Variants in RIMS4 observed in about 807,000 individuals in gnomAD.
RIMS4 encodes the protein regulating synaptic membrane exocytosis 4.
In RIMS4, 9 loss-of-function variants were observed where a neutral mutation model predicts 29.0. The observed-to-expected ratio is 0.31, with a 90% CI of 0.19 to 0.54. The LOEUF (loss-of-function observed/expected upper bound fraction) is 0.54, where lower values mean the gene tolerates loss of function less well. RIMS4 is among the 20% of genes least tolerant of loss of function. The pLI is 0.94. For missense variants in RIMS4, 193 were observed against 365.7 expected, an observed-to-expected ratio of 0.53 and a Z score of 3.85; for synonymous variants, 130 against 152.9, an observed-to-expected ratio of 0.85 and a Z score of 1.10.
At position 44,758,264 on chromosome 20, in the gene RIMS4, T is replaced by C. The variant is rs1163492459; in HGVS notation, c.237-80A>G. The C allele has an allele frequency of 1.3e-5, 12 of 931,438 alleles. No homozygotes were observed. The Admixed American group carries it at 2.9e-4, about 22-fold the overall frequency. The allele number at this position is 931,438 out of a possible 1,614,324, so 57.7% of individuals were successfully genotyped here. On this transcript the variant is annotated intron_variant, in intron 2 of 5. Transcript: ENST00000372851. ...TCTGGACTCAAGCAGTCAACCTCCA[T>C]GCAATGGATATGCTGAAACTTCCCT...
At chr20:44,771,628 A>G (rs2066138054) in intron 1 of RIMS4, among the ~76,000 whole-genome samples, 2 of 152,200 alleles carry the variant, frequency 1.3e-5, no homozygotes, top group African/African-American at 2.4e-5. Flanking sequence ...CGATAGATTC[A>G]TTTACATGTG....
rs1233363954 is a variant in RIMS4, at chr20:44,780,745, G to T, written c.98-9332C>A. Among the ~76,000 whole-genome samples the T allele has an allele frequency of 2.6e-5, 4 of 152,232 alleles. No individual in the cohort carries two copies. In the East Asian group the frequency reaches 5.8e-4, roughly 22 times the overall value. The stretch of plus-strand genomic sequence containing the variant: ...CAACGCAGGCCAGAGTGCAATTTTT[G>T]CCCTTTACGCTGCTCTACACTGGAG... On this transcript the variant is annotated intron_variant, in intron 1 of 5. Transcript: ENST00000372851.
chr20:44,761,003 AC>A (rs773700605), intron 2 of RIMS4, among the ~76,000 whole-genome samples: 4 of 152,086 alleles, frequency 2.6e-5, no homozygotes, highest in Non-Finnish European at 5.9e-5. Context: ...TTTGATAGTT[AC>A]CCTGGGCCTG....
intron 1 of RIMS4, among the ~76,000 whole-genome samples, chr20:44,774,777 C>T (rs904202944): frequency 6.6e-6 from 1 of 152,204 alleles, no homozygotes; most frequent in African/African-American, 2.4e-5. Context: ...CCGTCCTTCT[C>T]CTGGCTGTGG....
chr20:44,796,236 T>G (rs1461782917), intron 1 of RIMS4, among the ~76,000 whole-genome samples: 1 of 151,924 alleles, frequency 6.6e-6, no homozygotes, highest in Non-Finnish European at 1.5e-5. Flanking sequence ...CTTATATGCC[T>G]CTTTATCACA....
At chr20:44,804,228 T>C (rs1722104758) in intron 1 of RIMS4, among the ~76,000 whole-genome samples, 1 of 152,252 alleles carries the variant, frequency 6.6e-6, no homozygotes, top group Non-Finnish European at 1.5e-5. Context: ...GCAATGAGCA[T>C]GGCCAAGCAA....
chr20:44,789,544 T>C (rs1242087334), intron 1 of RIMS4, among the ~76,000 whole-genome samples: 2 of 152,084 alleles, frequency 1.3e-5, no homozygotes, highest in Non-Finnish European at 2.9e-5. Flanking sequence ...GATCCGCCCG[T>C]CATCACAATA....
chr20:44,805,909 A>G (rs2066296674), intron 1 of RIMS4, among the ~76,000 whole-genome samples: 2 of 152,160 alleles, frequency 1.3e-5, no homozygotes, highest in Non-Finnish European at 2.9e-5. Context: ...AGAAGTACTC[A>G]GACCACCCCC....
intron 1 of RIMS4, among the ~76,000 whole-genome samples, chr20:44,801,026 T>C (rs1376686163): frequency 2.0e-5 from 3 of 152,240 alleles, no homozygotes; most frequent in Non-Finnish European, 2.9e-5. Context: ...CTTCTATGTG[T>C]TGTACATACA....
chr20:44,768,700 TG>T (rs1159534238), intron 2 of RIMS4, among the ~76,000 whole-genome samples: 1 of 152,208 alleles, frequency 6.6e-6, no homozygotes, highest in African/African-American at 2.4e-5. Context: ...CCAACCCACC[TG>T]ATACCTCCTC....
At chr20:44,800,433 G>A (rs2066273061) in intron 1 of RIMS4, among the ~76,000 whole-genome samples, 1 of 152,018 alleles carries the variant, frequency 6.6e-6, no homozygotes, top group Non-Finnish European at 1.5e-5. Flanking sequence ...GGGACATGAG[G>A]ATCAGAAGAC....
Position 44,764,133 on chromosome 20 carries a change from T to C in RIMS4, c.237-5949A>G, listed in dbSNP as rs1436290333. Among the ~76,000 whole-genome samples, 45 of 99,290 alleles carry C rather than the reference T, an allele frequency of 4.5e-4. 3 individuals carry two copies. The allele number at this position is 99,290 out of a possible 152,430, so 65.1% of individuals were successfully genotyped here. ...ATCCATTTATCCATCCATCCATCCA[T>C]CCATTTATGCATCCATTTATCCATC... is the stretch of plus-strand genomic sequence containing the variant. On this transcript the variant is annotated intron_variant, in intron 2 of 5. Transcript: ENST00000372851.
At chr20:44,757,602 C>G in intron 4 of RIMS4, 68 bp downstream of exon 4, 1 of 1,307,862 alleles carries the variant, frequency 7.6e-7, no homozygotes, top group Non-Finnish European at 1.1e-6. Context: ...CTTCAAGGCC[C>G]TCAGTACCCA....
intron 2 of RIMS4, among the ~76,000 whole-genome samples, chr20:44,767,765 T>C (rs1259109086): frequency 1.3e-5 from 2 of 152,172 alleles, no homozygotes; most frequent in Non-Finnish European, 2.9e-5. Flanking sequence ...GTTGTGACAA[T>C]TAAATGAGTC....
intron 2 of RIMS4, among the ~76,000 whole-genome samples, chr20:44,770,064 G>GCTT (rs2066130284): frequency 6.6e-6 from 1 of 152,206 alleles, no homozygotes; most frequent in Non-Finnish European, 1.5e-5. Flanking sequence ...TTAGCCACAT[G>GCTT]CTTCTAGTGG....
chr20:44,782,783 C>G (rs1477933274), intron 1 of RIMS4, among the ~76,000 whole-genome samples: 1 of 152,142 alleles, frequency 6.6e-6, no homozygotes, highest in East Asian at 1.9e-4. Flanking sequence ...GAAATATGGC[C>G]TCTAACAGAC....
intron 1 of RIMS4, among the ~76,000 whole-genome samples, chr20:44,780,869 G>A (rs1030600988): frequency 1.3e-5 from 2 of 152,120 alleles, no homozygotes; most frequent in African/African-American, 4.8e-5. Context: ...AGCAAGAGGG[G>A]CAAAAGGCAC....
intron 1 of RIMS4, among the ~76,000 whole-genome samples, chr20:44,803,580 AATGCAGTTACAATT>A (rs1288091011): frequency 6.6e-6 from 1 of 152,130 alleles, no homozygotes. Context: ...CGCACTGCTA[AATGCAGTTACAATT>A]ACGGGGGCTA....
chr20:44,803,274 C>G (rs2066284507), intron 1 of RIMS4, among the ~76,000 whole-genome samples: 1 of 152,212 alleles, frequency 6.6e-6, no homozygotes, highest in Non-Finnish European at 1.5e-5. Context: ...AAAAGAAAAC[C>G]TGGACTCAGA....
Sources: gnomAD v4.1 joint callset for allele counts (sites outside exome capture counted in the v4.1 genomes callset) on GRCh38, gnomAD v4.1.1 for gene constraint, MANE v1.5 for transcripts, NCBI Gene and HGNC (gene_info 2026-07-23, HGNC 2026-07-21) for gene names.